The following DTNBP1 variants were observed in gnomAD, a reference collection of about 807,000 sequenced individuals.
DTNBP1 encodes the protein dystrobrevin binding protein 1.
DTNBP1 carries 35 observed loss-of-function variants against 42.8 expected under a neutral mutation model. The ratio of observed to expected loss-of-function variants is 0.82; its 90% confidence interval spans 0.63 to 1.09. DTNBP1 has a LOEUF of 1.09. DTNBP1 is among the 50% of genes least tolerant of loss of function. DTNBP1 has a pLI of 0.00. For synonymous variants in DTNBP1, 171 were observed against 162.2 expected (o/e 1.05, Z -0.41); for missense variants, 457 against 424.2 (o/e 1.08, Z -0.68).
At chr6:15,564,065 GAA>G (rs201105772) in intron 7 of DTNBP1, among the ~76,000 whole-genome samples, 17 of 116,154 alleles carry the variant, frequency 1.5e-4, no homozygotes, top group South Asian at 2.9e-4. Flanking sequence ...CTTGGTCTCG[GAA>G]AAAAAAAAAA....
Position 15,533,222 on chromosome 6 carries a change from G to T in DTNBP1, c.667+18C>A. 6.2e-7 allele frequency: 1 copy of T among 1,612,764 alleles called. No homozygotes were observed. Among genetic ancestry groups the T allele is most frequent in the South Asian group, 1.1e-5 (1 of 91,032 alleles). On this transcript the variant is annotated intron_variant, in intron 8 of 9. Coordinates refer to ENST00000344537, the MANE Select transcript of DTNBP1 (RefSeq NM_032122.5). ...CAGCCGGTGAGTCCCCACACCAGCA[G>T]CCCCAGCCCCCACTCGCCTCGCCGC...
intron 7 of DTNBP1, among the ~76,000 whole-genome samples, chr6:15,591,499 A>G (rs16876643): frequency 1.6e-3 from 239 of 152,326 alleles, no homozygotes; most frequent in African/African-American, 5.6e-3. Context: ...TGCAACATTC[A>G]ATTTAGGGTT....
chr6:15,540,793 T>C (rs10456200), intron 7 of DTNBP1, among the ~76,000 whole-genome samples: 5,901 of 152,162 alleles, frequency 0.039, 285 homozygotes, highest in East Asian at 0.25. Context: ...AGGTGCATGC[T>C]GCCACTGCCA....
chr6:15,574,421 A>C (rs1775475793), intron 7 of DTNBP1, among the ~76,000 whole-genome samples: 1 of 152,232 alleles, frequency 6.6e-6, no homozygotes, highest in Non-Finnish European at 1.5e-5. Context: ...CAGAAGAATA[A>C]GTGAGGCTGA....
intron 5 of DTNBP1, among the ~76,000 whole-genome samples, chr6:15,622,637 C>T (rs1011984826): frequency 3.3e-5 from 5 of 152,190 alleles, no homozygotes; most frequent in African/African-American, 1.2e-4. Flanking sequence ...GCTCAAGCCT[C>T]ACCATTTTGC....
At chr6:15,650,686 A>C (rs535757755) in intron 3 of DTNBP1, among the ~76,000 whole-genome samples, 2 of 152,232 alleles carry the variant, frequency 1.3e-5, no homozygotes, top group East Asian at 3.9e-4. Flanking sequence ...ATGTCTATTC[A>C]ACTCTTTTGC....
At chr6:15,555,390 G>C (rs1202052789) in intron 7 of DTNBP1, among the ~76,000 whole-genome samples, 1 of 151,972 alleles carries the variant, frequency 6.6e-6, no homozygotes, top group African/African-American at 2.4e-5. Context: ...TCCAAGGATG[G>C]TTAGGCATTC....
In DTNBP1 at chr6:15,587,491, G is replaced by A. The variant is rs367714600; in HGVS notation, c.511+5568C>T. On this transcript the variant is annotated intron_variant, in intron 7 of 9. Coordinates refer to ENST00000344537, the MANE Select transcript of DTNBP1 (RefSeq NM_032122.5). The surrounding 1 kb of genome is among the most constrained non-coding windows in gnomAD (Gnocchi z 4.1). Reference sequence around the variant, plus strand: ...AAGTAGTAGGTTGGAGGACTTAGACGTCCCAATTTCAAATCTTACTACGAA... The same window carrying A: ...AAGTAGTAGGTTGGAGGACTTAGACATCCCAATTTCAAATCTTACTACGAA... 2.4e-3 allele frequency among the ~76,000 whole-genome samples: 365 copies of A among 152,282 alleles called. 1 individual carries two copies. Among genetic ancestry groups the A allele is most frequent in the African/African-American group, 8.1e-3 (337 of 41,552 alleles).
At chr6:15,643,331 T>C (rs1760485101) in intron 3 of DTNBP1, among the ~76,000 whole-genome samples, 1 of 152,282 alleles carries the variant, frequency 6.6e-6, no homozygotes, top group Admixed American at 6.5e-5. Context: ...CTTACTAGCA[T>C]TCCTGAGAGA....
chr6:15,652,158 A>C lies in DTNBP1; in HGVS notation c.57-18T>G. The stretch of plus-strand genomic sequence containing the variant: ...TCTTCAGCCTATAATTCAATATAAA[A>C]TATAATATTTTTACAAGTCAAGAGA... On this transcript the variant is annotated intron_variant, in intron 1 of 9. Coordinates refer to ENST00000344537, the MANE Select transcript of DTNBP1 (RefSeq NM_032122.5). 6.4e-7 allele frequency: 1 copy of C among 1,554,568 alleles called. No homozygotes were observed. The highest frequency in any genetic ancestry group is 8.8e-7 in the Non-Finnish European group (1 of 1,140,854).
chr6:15,597,596 C>G (rs1173744400), intron 6 of DTNBP1, among the ~76,000 whole-genome samples: 3 of 152,182 alleles, frequency 2.0e-5, no homozygotes, highest in Non-Finnish European at 4.4e-5. Flanking sequence ...TCTCCTTTAT[C>G]AAAAATTCTG....
chr6:15,627,434 C>T lies in DTNBP1; in HGVS notation c.264G>A (p.Glu88=), dbSNP rs755659531. The T allele has an allele frequency of 1.4e-5, 22 of 1,613,818 alleles. No homozygotes were observed. In the South Asian group the frequency reaches 2.2e-4, roughly 16 times the overall value. Residue 88 remains glutamate, a synonymous_variant, in exon 5 of 10, where the codon GAG becomes GAA. Transcript: ENST00000344537. ...SEVVMLSAHW[E]KKKTSLVELQ... ...GCTCCACGAGGCTTGTCTTTTTCTT[C>T]TCCCAGTGCGCAGAAAGCATGACCA...
At chr6:15,612,963 A>G (rs755810729) in intron 6 of DTNBP1, among the ~76,000 whole-genome samples, 2 of 152,028 alleles carry the variant, frequency 1.3e-5, no homozygotes, top group Admixed American at 6.6e-5. Context: ...CCACACCCAC[A>G]TATCAGTCTG....
At chr6:15,628,351 A>T (rs911299929) in intron 4 of DTNBP1, among the ~76,000 whole-genome samples, 5 of 150,476 alleles carry the variant, frequency 3.3e-5, no homozygotes, top group African/African-American at 4.9e-5. Context: ...AAGAAAATGA[A>T]TTTGAGTATT....
At chr6:15,652,230 G>C in intron 1 of DTNBP1, 90 bp from the exon 2 acceptor site, 1 of 1,044,374 alleles carries the variant, frequency 9.6e-7, no homozygotes, top group Non-Finnish European at 1.4e-6. Context: ...CGTCCAGGCT[G>C]GAGTGCAGTG....
At chr6:15,633,336 G>T (rs1759801774) in intron 4 of DTNBP1, among the ~76,000 whole-genome samples, 1 of 152,144 alleles carries the variant, frequency 6.6e-6, no homozygotes. Flanking sequence ...AAACTAAATT[G>T]AAAATCTCCT....
intron 7 of DTNBP1, chr6:15,545,914 A>G (rs948286582): frequency 1.4e-5 from 5 of 352,800 alleles, no homozygotes; most frequent in Non-Finnish European, 1.7e-5. Flanking sequence ...AAGGCAGTTT[A>G]GAAGACCGGG....
intron 7 of DTNBP1, among the ~76,000 whole-genome samples, chr6:15,583,613 T>C (rs1775930801): frequency 6.6e-6 from 1 of 152,238 alleles, no homozygotes; most frequent in Non-Finnish European, 1.5e-5. Flanking sequence ...TTCAAAGATT[T>C]CTTTTTGTGG....
chr6:15,602,311 G>A (rs965325364), intron 6 of DTNBP1, among the ~76,000 whole-genome samples: 1 of 152,142 alleles, frequency 6.6e-6, no homozygotes, highest in Non-Finnish European at 1.5e-5. Flanking sequence ...GAGAGGAGGA[G>A]CACTGTTTTC....
Sources: allele counts gnomAD v4.1 joint callset (sites outside exome capture counted in the v4.1 genomes callset), GRCh38; gene constraint gnomAD v4.1.1; non-coding constraint Gnocchi (gnomAD v3.1); transcripts MANE v1.5; gene names NCBI Gene and HGNC (gene_info 2026-07-23, HGNC 2026-07-21).